Variants in YLPM1 observed in about 807,000 individuals in gnomAD.
The protein encoded by YLPM1 is YLP motif-containing protein 1.
YLPM1 carries 99 observed loss-of-function variants against 230.0 expected under a neutral mutation model. That is an observed-to-expected ratio of 0.43 (90% CI 0.37 to 0.51). The LOEUF is 0.51. YLPM1 is among the 20% of genes least tolerant of loss of function. The pLI is 0.00. For synonymous variants in YLPM1, 984 were observed against 942.5 expected (o/e 1.04, Z -0.81); for missense variants, 2,592 against 2,707.7 (o/e 0.96, Z 0.95).
Position 74,835,857 on chromosome 14 carries a change from T to C in YLPM1, c.*119T>C. On this transcript the variant is annotated 3_prime_UTR_variant, in exon 21 of 21. Coordinates refer to ENST00000325680, the MANE Select transcript of YLPM1 (RefSeq NM_019589.3). ...CCTTGCTTCCACGTTTCAGTTCTTG[T>C]TTTGTTTCTACTGCTTTAGTTTTTT... 2.2e-6 allele frequency: 1 copy of C among 456,558 alleles called. No individual in the cohort carries two copies. Among genetic ancestry groups the C allele is most frequent in the Non-Finnish European group, 4.4e-6 (1 of 226,866 alleles). The allele number at this position is 456,558 out of a possible 1,614,324, so 28.3% of individuals were successfully genotyped here. A position where few individuals can be genotyped will look rare whatever the true frequency, so the allele number is the denominator to read the frequency against.
rs769498162 is a variant in YLPM1, at chr14:74,810,238, A to C, written c.5046A>C (p.Gln1682His). Residue 1682 changes from glutamine to histidine, a missense_variant, in exon 9 of 21, where the codon CAA becomes CAC. Coordinates refer to ENST00000325680, the MANE Select transcript of YLPM1 (RefSeq NM_019589.3). ...TTGTTTTTGTAGAGCATGCAGGCCA[A>C]CGTGATCGTTATGATAGAGAAAGAG... ...RSTFETEHAG[Q>H]RDRYDRERDR... The C allele has an allele frequency of 8.1e-6, 13 of 1,613,758 alleles. No homozygotes were observed. The highest frequency in any genetic ancestry group is 2.5e-6 in the Non-Finnish European group (3 of 1,179,846).
Position 74,836,014 on chromosome 14 carries a change from T to C in YLPM1, c.*276T>C. The C allele has an allele frequency of 9.8e-6, 4 of 408,336 alleles. No homozygotes were observed. The highest frequency in any genetic ancestry group is 7.2e-5 in the South Asian group (4 of 55,484). The allele number at this position is 408,336 out of a possible 1,614,324, so 25.3% of individuals were successfully genotyped here. A position where few individuals can be genotyped will look rare whatever the true frequency, so the allele number is the denominator to read the frequency against. Reference sequence around the variant, plus strand: ...CTGCTGAAGCCAGGCGGGGGTCTGCTGGAGGATTCCAACAGAGAGTATTTC... The same window carrying C: ...CTGCTGAAGCCAGGCGGGGGTCTGCCGGAGGATTCCAACAGAGAGTATTTC... On this transcript the variant is annotated 3_prime_UTR_variant, in exon 21 of 21. Transcript: ENST00000325680.
intron 19 of YLPM1, chr14:74,834,914 C>G (rs8014695): frequency 0.7 from 120,413 of 172,640 alleles, 42,228 homozygotes; most frequent in East Asian, 0.77. Context: ...GAATCTGGAG[C>G]GGGTGAGTAC....
intron 5 of YLPM1, 125 bp downstream of exon 5, chr14:74,799,822 T>C: frequency 7.2e-7 from 1 of 1,381,560 alleles, no homozygotes; most frequent in Non-Finnish European, 9.5e-7. Flanking sequence ...ACTTTTAATT[T>C]ATATTTCTGG....
At chr14:74,769,108 C>T (rs955589051) in intron 1 of YLPM1, among the ~76,000 whole-genome samples, 1 of 150,986 alleles carries the variant, frequency 6.6e-6, no homozygotes, top group African/African-American at 2.4e-5. Flanking sequence ...TGGAGTCTCG[C>T]TCTGTTGCCC....
chr14:74,796,743 A>G (rs1339206787), intron 4 of YLPM1, among the ~76,000 whole-genome samples: 1 of 148,478 alleles, frequency 6.7e-6, no homozygotes, highest in African/African-American at 2.5e-5. Context: ...AGATAGGGCT[A>G]CTGTTTCTTT....
At chr14:74,791,856 C>T (rs1173942791) in intron 4 of YLPM1, among the ~76,000 whole-genome samples, 2 of 152,058 alleles carry the variant, frequency 1.3e-5, no homozygotes, top group Non-Finnish European at 2.9e-5. Flanking sequence ...ATTCTCAAGG[C>T]ATTCACAATT....
chr14:74,789,983 C>T (rs896503025), intron 4 of YLPM1, among the ~76,000 whole-genome samples: 1 of 151,528 alleles, frequency 6.6e-6, no homozygotes, highest in African/African-American at 2.4e-5. Flanking sequence ...GTATTTGGAA[C>T]ATAGGCCATA....
At chr14:74,793,769 T>C (rs1187245734) in intron 4 of YLPM1, among the ~76,000 whole-genome samples, 3 of 152,218 alleles carry the variant, frequency 2.0e-5, no homozygotes, top group African/African-American at 7.2e-5. Context: ...GAACTGTTAC[T>C]ACTGCTAGGG....
chr14:74,816,438 A>G (rs1443829923), intron 12 of YLPM1, 133 bp from the exon 13 acceptor site: 6 of 1,304,910 alleles, frequency 4.6e-6, no homozygotes, highest in Non-Finnish European at 6.2e-6. Context: ...CTACTCAGAG[A>G]AACATTTTTG....
At chr14:74,778,788 G>C (rs1490070809) in intron 2 of YLPM1, 105 bp downstream of exon 2, 3 of 970,764 alleles carry the variant, frequency 3.1e-6, no homozygotes, top group Admixed American at 5.9e-5. Context: ...GTTTTTTTAG[G>C]TACCTATAAA....
intron 2 of YLPM1, 33 bp from the exon 3 acceptor site, chr14:74,780,372 C>T (rs1189608549): frequency 2.5e-5 from 39 of 1,567,498 alleles, no homozygotes; most frequent in East Asian, 4.5e-5. Context: ...TGTTTTATGA[C>T]TTACATAAAG....
intron 19 of YLPM1, 101 bp downstream of exon 19, chr14:74,829,444 A>G: frequency 2.0e-6 from 3 of 1,505,980 alleles, no homozygotes; most frequent in Non-Finnish European, 2.7e-6. Flanking sequence ...CTATTTTTAG[A>G]ATGATTTAGT....
intron 1 of YLPM1, among the ~76,000 whole-genome samples, chr14:74,766,057 T>A (rs2090908322): frequency 1.3e-5 from 2 of 152,222 alleles, no homozygotes; most frequent in African/African-American, 4.8e-5. Context: ...GAAGCCCTGC[T>A]TGTGCTCACC....
intron 4 of YLPM1, among the ~76,000 whole-genome samples, chr14:74,793,200 T>G (rs1566748445): frequency 6.6e-6 from 1 of 152,212 alleles, no homozygotes; most frequent in East Asian, 1.9e-4. Context: ...GCTGGCCCCT[T>G]TCTGTCTAGA....
In YLPM1 at chr14:74,812,792, A is replaced by G; in HGVS notation, c.5502+10A>G. The stretch of plus-strand genomic sequence containing the variant: ...GAGCAGACCTGAGAGAGTGAGTCCT[A>G]TGAAGTTGATTCGTCTTCGTGCAAA... On this transcript the variant is annotated intron_variant, in intron 11 of 20. Transcript: ENST00000325680. 3.1e-6 allele frequency: 5 copies of G among 1,610,042 alleles called. No individual in the cohort carries two copies. The highest frequency in any genetic ancestry group is 2.2e-5 in the South Asian group (2 of 90,442).
chr14:74,785,172 C>CTT (rs1256852860), intron 4 of YLPM1, among the ~76,000 whole-genome samples: 8 of 151,936 alleles, frequency 5.3e-5, no homozygotes, highest in Non-Finnish European at 8.8e-5. Flanking sequence ...TTTTGTTTTT[C>CTT]TTGTTCCTTT....
At position 74,797,663 on chromosome 14, in the gene YLPM1, G is replaced by A. The variant is rs1250229133; in HGVS notation, c.2366G>A (p.Arg789His). The change falls in exon 5 of 21, where the codon CGC becomes CAC. Residue 789 changes from arginine (R) to histidine (H), a missense_variant. Physicochemically the swap from Arg to His is conservative, Grantham distance 29 (BLOSUM62 0). This residue lies in a region of YLPM1 where 1,862 missense variants were observed against 1,819.8 expected (regional missense o/e 1.02). Transcript: ENST00000325680. ...RPKGPRFEGN[R>H]PDGPRPRYEG... ...AAAGGGCCTCGTTTTGAAGGAAATC[G>A]CCCCGATGGGCCAAGACCCAGATAT... 7 of 1,596,704 alleles carry A rather than the reference G, an allele frequency of 4.4e-6. No homozygotes were observed. Among genetic ancestry groups the A allele is most frequent in the East Asian group, 2.2e-5 (1 of 44,560 alleles).
Position 74,799,495 on chromosome 14 carries a change from C to G in YLPM1, c.4198C>G (p.Arg1400Gly), listed in dbSNP as rs200748724. 1.9e-5 allele frequency: 31 copies of G among 1,613,742 alleles called. No individual in the cohort carries two copies. Among genetic ancestry groups the G allele is most frequent in the Non-Finnish European group, 2.5e-5 (30 of 1,179,872 alleles). Residue 1400 changes from arginine to glycine, a missense_variant, in exon 5 of 21, where the codon CGG becomes GGG. Physicochemically the swap from Arg to Gly is moderately radical, Grantham distance 125 (BLOSUM62 -2). Transcript: ENST00000325680. ...TGACAGAATGGACTGGGAAAGAGAA[C>G]GGTTGTCAGACAGATGGTACCCATC... The part of the protein sequence containing the change: ...VPDRMDWERE[R>G]LSDRWYPSDV...
Sources: allele counts gnomAD v4.1 joint callset (sites outside exome capture counted in the v4.1 genomes callset), GRCh38; gene constraint gnomAD v4.1.1; regional missense constraint gnomAD v4.1.1; transcripts MANE v1.5; gene names NCBI Gene and HGNC (gene_info 2026-07-23, HGNC 2026-07-21).